The following H2AZ2 variants were observed in gnomAD, a reference collection of about 807,000 sequenced individuals.
H2AZ2 encodes the protein H2A.Z variant histone 2, also known as histone H2A.V.
Under a neutral mutation model 15.5 loss-of-function variants are expected in H2AZ2, and 5 were observed. The ratio of observed to expected loss-of-function variants is 0.32; its 90% CI spans 0.17 to 0.68. H2AZ2 has a LOEUF of 0.68. Among genes scored for constraint, H2AZ2 ranks in the 30% least tolerant of loss-of-function variants. The probability of loss-of-function intolerance (pLI) is 0.72; values close to 1 mark genes in which losing one functional copy is unlikely to be tolerated. For synonymous variants in H2AZ2, 44 were observed against 57.4 expected (o/e 0.77, Z 1.05); for missense variants, 42 against 162.5 (o/e 0.26, Z 4.03).
At chr7:44,844,393 G>GTCCC (rs1405156647) in intron 1 of H2AZ2, among the ~76,000 whole-genome samples, 1 of 152,198 alleles carries the variant, frequency 6.6e-6, no homozygotes, top group Non-Finnish European at 1.5e-5. Context: ...CCCTAAAATA[G>GTCCC]TAAAGTTCAT....
chr7:44,827,360 T>TA (rs1731029269), downstream of H2AZ2: 1 of 152,190 alleles, frequency 6.6e-6, no homozygotes, highest in African/African-American at 2.4e-5. Flanking sequence ...GGTTAGCTCC[T>TA]AAAGGTCCCA....
chr7:44,835,765 T>A, intron 3 of H2AZ2, 107 bp from the exon 4 acceptor site: 4 of 941,836 alleles, frequency 4.2e-6, no homozygotes, highest in Non-Finnish European at 4.5e-6. Context: ...CATAAACTGA[T>A]AATATATTTT....
chr7:44,836,839 AC>A (rs1420767488), intron 3 of H2AZ2, among the ~76,000 whole-genome samples: 2 of 151,890 alleles, frequency 1.3e-5, no homozygotes, highest in Non-Finnish European at 2.9e-5. Context: ...TACTAAAAAT[AC>A]AAAAAATTAG....
chr7:44,831,537 C>T (rs546287479), downstream of H2AZ2, among the ~76,000 whole-genome samples: 16 of 151,850 alleles, frequency 1.1e-4, no homozygotes, highest in African/African-American at 2.2e-4. Flanking sequence ...CACTCCCCCC[C>T]CCGCTTCTTT....
chr7:44,838,631 A>G (rs1793191458), intron 3 of H2AZ2, among the ~76,000 whole-genome samples: 1 of 152,128 alleles, frequency 6.6e-6, no homozygotes, highest in African/African-American at 2.4e-5. Context: ...CCAGCCTGGG[A>G]GACAGAGAGA....
At chr7:44,841,942 A>T (rs1224040557) in intron 2 of H2AZ2, among the ~76,000 whole-genome samples, 2 of 152,246 alleles carry the variant, frequency 1.3e-5, no homozygotes, top group Non-Finnish European at 2.9e-5. Context: ...CAAAGACTGA[A>T]TTGAAAAAAC....
intron 2 of H2AZ2, among the ~76,000 whole-genome samples, chr7:44,841,411 A>T (rs1247034607): frequency 6.6e-6 from 1 of 152,188 alleles, no homozygotes; most frequent in Non-Finnish European, 1.5e-5. Context: ...GATAGTTAAG[A>T]AAAATCAATA....
At chr7:44,835,290 T>A in intron 4 of H2AZ2, 1 of 433,472 alleles carries the variant, frequency 2.3e-6, no homozygotes, top group Non-Finnish European at 4.1e-6. Context: ...AGGCTTTAAG[T>A]ATCATATGAA....
At chr7:44,830,185 A>T, downstream of H2AZ2, 1 of 1,611,866 alleles carries the variant, frequency 6.2e-7, no homozygotes, top group Non-Finnish European at 8.5e-7. Flanking sequence ...TAACAGGACA[A>T]ATAGAGAATA....
chr7:44,830,179 AG>A, downstream of H2AZ2: 2 of 1,612,626 alleles, frequency 1.2e-6, no homozygotes, highest in Non-Finnish European at 1.7e-6. Context: ...AAGAAATAAC[AG>A]GACAAATAGA....
At chr7:44,827,685 T>G (rs1305809199), downstream of H2AZ2, 2 of 152,174 alleles carry the variant, frequency 1.3e-5, no homozygotes, top group Non-Finnish European at 2.9e-5. Flanking sequence ...AATTTGACTC[T>G]CCAACTATCA....
At chr7:44,846,038 C>CACACACACAA in intron 1 of H2AZ2, among the ~76,000 whole-genome samples, 1 of 93,758 alleles carries the variant, frequency 1.1e-5, no homozygotes, top group Non-Finnish European at 2.6e-5. Flanking sequence ...CACACACACA[C>CACACACACAA]ACACACACAC....
downstream of H2AZ2, chr7:44,827,590 T>G (rs1018447067): frequency 3.3e-5 from 5 of 152,196 alleles, no homozygotes; most frequent in Non-Finnish European, 7.3e-5. Context: ...CAGAGTTTAT[T>G]TATAGAATTA....
In H2AZ2 at chr7:44,834,469, C is replaced by G; in HGVS notation, c.*32G>C. 1 of 1,600,290 alleles carries G rather than the reference C, an allele frequency of 6.2e-7. No individual in the cohort carries two copies. The highest frequency in any genetic ancestry group is 8.5e-7 in the Non-Finnish European group (1 of 1,173,770). ...TTCTGTCCCAGTTACAGTACAATGA[C>G]GGGGAGGAAGAGGGTTGGTTAAAGC... On this transcript the variant is annotated 3_prime_UTR_variant, in exon 5 of 5. Transcript: ENST00000308153.
At chr7:44,840,866 A>T in intron 3 of H2AZ2, 33 bp downstream of exon 3, 2 of 1,422,568 alleles carry the variant, frequency 1.4e-6, no homozygotes, top group Non-Finnish European at 2.0e-6. Context: ...CACCTTCTGG[A>T]TGGCCATATA....
intron 1 of H2AZ2, 71 bp downstream of exon 1, chr7:44,847,898 G>A: frequency 1.3e-6 from 2 of 1,528,758 alleles, no homozygotes; most frequent in African/African-American, 1.4e-5. Context: ...ACAGGTAGCG[G>A]CGCCGACGCC....
chr7:44,834,784 C>CTT (rs35455193), intron 4 of H2AZ2: 2,549 of 159,212 alleles, frequency 0.016, 33 homozygotes, highest in South Asian at 0.028. Context: ...GTAACCATAG[C>CTT]TTTTTTTTTT....
chr7:44,841,309 A>C (rs1453561946), intron 2 of H2AZ2, among the ~76,000 whole-genome samples: 1 of 152,150 alleles, frequency 6.6e-6, no homozygotes, highest in Non-Finnish European at 1.5e-5. Context: ...CTATCTAGTT[A>C]ATTTCTTCAC....
intron 1 of H2AZ2, among the ~76,000 whole-genome samples, chr7:44,845,987 G>C (rs1003304017): frequency 9.4e-5 from 14 of 148,744 alleles, no homozygotes; most frequent in Admixed American, 6.7e-4. Flanking sequence ...AACTGACTTC[G>C]TATTAACCTG....
Sources: allele counts gnomAD v4.1 joint callset (sites outside exome capture counted in the v4.1 genomes callset), GRCh38; gene constraint gnomAD v4.1.1; transcripts MANE v1.5; gene names NCBI Gene and HGNC (gene_info 2026-07-23, HGNC 2026-07-21).